The following C4orf51 variants were observed in gnomAD, a reference collection of about 807,000 sequenced individuals.
C4orf51 encodes uncharacterized protein C4orf51.
In C4orf51, 25 loss-of-function variants were observed where a neutral mutation model predicts 25.2. The observed-to-expected ratio is 0.99, with a 90% CI of 0.72 to 1.39. The LOEUF is 1.39. Ranked by LOEUF, C4orf51 falls within the 40% of genes most tolerant of loss-of-function variation. The pLI is 0.00. For synonymous variants in C4orf51, 100 were observed against 84.5 expected (o/e 1.18, Z -1.01); for missense variants, 252 against 239.6 (o/e 1.05, Z -0.34).
At chr4:145,727,891 A>AAG (rs1553966876) in intron 3 of C4orf51, among the ~76,000 whole-genome samples, 2 of 53,358 alleles carry the variant, frequency 3.7e-5, no homozygotes, top group African/African-American at 1.0e-4. Flanking sequence ...TACAAAAAAA[A>AAG]TGTGTATATA....
intron 2 of C4orf51, among the ~76,000 whole-genome samples, chr4:145,710,888 A>C (rs745558221): frequency 5.3e-5 from 8 of 152,168 alleles, no homozygotes; most frequent in Non-Finnish European, 1.2e-4. Flanking sequence ...GTCATGGTTG[A>C]AGAAAGCAAA....
downstream of C4orf51, among the ~76,000 whole-genome samples, chr4:145,755,409 A>G (rs1412897120): frequency 6.6e-6 from 1 of 152,248 alleles, no homozygotes; most frequent in East Asian, 1.9e-4. Context: ...CTCCAGGTTT[A>G]TAATTCTACT....
downstream of C4orf51, among the ~76,000 whole-genome samples, chr4:145,737,292 G>T (rs1732858075): frequency 6.6e-6 from 1 of 152,206 alleles, no homozygotes; most frequent in African/African-American, 2.4e-5. Context: ...ACATATTTTT[G>T]TAGGTCCTGT....
the C4orf51 span, among the ~76,000 whole-genome samples, chr4:145,785,916 T>C: frequency 2.6e-5 from 4 of 152,216 alleles, no homozygotes; most frequent in South Asian, 8.3e-4. Flanking sequence ...TCCATTTCTG[T>C]TATTAAAAGT....
At chr4:145,775,838 C>T (rs778669248), downstream of C4orf51, 13 of 1,614,066 alleles carry the variant, frequency 8.1e-6, no homozygotes, top group African/African-American at 4.0e-5. Flanking sequence ...GAGGTGACGG[C>T]GCTGACAATG....
the C4orf51 span, among the ~76,000 whole-genome samples, chr4:145,780,134 T>C: frequency 6.6e-6 from 1 of 152,122 alleles, no homozygotes; most frequent in Non-Finnish European, 1.5e-5. Flanking sequence ...GAGGTTGCAG[T>C]GAGCTGAGAT....
chr4:145,688,112 G>C (rs1186010413), intron 1 of C4orf51, among the ~76,000 whole-genome samples: 1 of 147,306 alleles, frequency 6.8e-6, no homozygotes, highest in East Asian at 2.1e-4. Flanking sequence ...GAGGTGGGAA[G>C]ATTACTTAAG....
the C4orf51 span, chr4:145,776,053 A>C: frequency 0.48 from 686,481 of 1,428,920 alleles, 175,193 homozygotes; most frequent in Non-Finnish European, 0.54. Flanking sequence ...TCAAGGAAAG[A>C]ATGGTTCAAG....
At chr4:145,781,370 C>T in the C4orf51 span, among the ~76,000 whole-genome samples, 1 of 151,972 alleles carries the variant, frequency 6.6e-6, no homozygotes, top group Non-Finnish European at 1.5e-5. Context: ...GATCAATTTT[C>T]ACTGGAATGA....
rs1046446944 is a variant in C4orf51, at chr4:145,699,564, T to C, written c.307+2932T>C. Among the ~76,000 whole-genome samples the C allele has an allele frequency of 8.5e-5, 13 of 152,246 alleles. No individual in the cohort carries two copies. In the East Asian group the frequency reaches 1.2e-3, roughly 14 times the overall value. ...TTTTCTGGTAGAGACAAAGGAGACA[T>C]GTTTTATCCGTGGACCCAAAACTCT... On this transcript the variant is annotated intron_variant, in intron 2 of 5. Coordinates refer to ENST00000438731, the MANE Select transcript of C4orf51 (RefSeq NM_001080531.3).
chr4:145,741,302 A>G (rs1486902942), intron 1 of C4orf51, among the ~76,000 whole-genome samples: 2 of 152,146 alleles, frequency 1.3e-5, no homozygotes, highest in East Asian at 3.8e-4. Context: ...GCCACAGCAG[A>G]GGGGTGAGGG....
chr4:145,737,438 A>AT (rs1732864555), downstream of C4orf51, among the ~76,000 whole-genome samples: 1 of 152,342 alleles, frequency 6.6e-6, no homozygotes, highest in Non-Finnish European at 1.5e-5. Flanking sequence ...TTACTTTCTA[A>AT]TTACAAAAAT....
chr4:145,755,209 G>A (rs1003033600), downstream of C4orf51, among the ~76,000 whole-genome samples: 33 of 152,254 alleles, frequency 2.2e-4, no homozygotes, highest in African/African-American at 7.9e-4. Flanking sequence ...TTAGTTCAGC[G>A]CCTCTTTTCA....
At chr4:145,749,523 T>G (rs1475069772) in intron 1 of C4orf51, among the ~76,000 whole-genome samples, 1 of 152,178 alleles carries the variant, frequency 6.6e-6, no homozygotes, top group African/African-American at 2.4e-5. Flanking sequence ...GAAGGTGATT[T>G]TTCACTGGTG....
At chr4:145,745,993 C>T (rs1433276246) in intron 1 of C4orf51, among the ~76,000 whole-genome samples, 1 of 152,086 alleles carries the variant, frequency 6.6e-6, no homozygotes, top group Admixed American at 6.5e-5. Context: ...TTTTCATAAA[C>T]CTGTTTGCCA....
At chr4:145,705,011 A>G (rs534266657) in intron 2 of C4orf51, among the ~76,000 whole-genome samples, 1 of 152,320 alleles carries the variant, frequency 6.6e-6, no homozygotes, top group South Asian at 2.1e-4. Flanking sequence ...AAGGCCTTGC[A>G]TCCCTTCTCC....
chr4:145,696,250 G>A (rs1242807715), intron 1 of C4orf51, among the ~76,000 whole-genome samples: 1 of 152,124 alleles, frequency 6.6e-6, no homozygotes, highest in Non-Finnish European at 1.5e-5. Flanking sequence ...GACAGAGTGA[G>A]TCTCCGTCTC....
chr4:145,713,908 G>A (rs960960907), intron 2 of C4orf51, among the ~76,000 whole-genome samples: 1 of 151,924 alleles, frequency 6.6e-6, no homozygotes, highest in Non-Finnish European at 1.5e-5. Flanking sequence ...TCAGCCTTCC[G>A]AGTAGCTGGG....
chr4:145,690,225 G>T (rs1236726925), intron 1 of C4orf51, among the ~76,000 whole-genome samples: 3 of 151,462 alleles, frequency 2.0e-5, no homozygotes. Context: ...AATAAAATAG[G>T]CTGGGCGCGG....
Sources: allele counts gnomAD v4.1 joint callset (sites outside exome capture counted in the v4.1 genomes callset), GRCh38; gene constraint gnomAD v4.1.1; transcripts MANE v1.5; gene names NCBI Gene and HGNC (gene_info 2026-07-23, HGNC 2026-07-21).